MAPK3: variants seen among roughly 807,000 people sequenced by gnomAD.
The protein encoded by MAPK3 is mitogen-activated protein kinase 3, also known as MAPK 1.
In MAPK3, 30 loss-of-function variants were observed where a neutral mutation model predicts 41.8. The observed-to-expected ratio is 0.72, with a 90% CI of 0.54 to 0.97. The LOEUF is 0.97. Among genes scored for constraint, MAPK3 ranks in the 50% least tolerant of loss-of-function variants. The pLI is 0.00. For synonymous variants in MAPK3, 222 were observed against 213.4 expected, an observed-to-expected ratio of 1.04 and a Z score of -0.35; for missense variants, 413 against 509.9, an observed-to-expected ratio of 0.81 and a Z score of 1.83.
chr16:30,118,878 C>T (rs566535549), intron 2 of MAPK3, among the ~76,000 whole-genome samples: 1 of 152,194 alleles, frequency 6.6e-6, no homozygotes, highest in African/African-American at 2.4e-5. Context: ...GTGGCTCACA[C>T]CTGTAATCCC....
At position 30,118,114 on chromosome 16, in the gene MAPK3, G is replaced by A. The variant is rs1159063202; in HGVS notation, c.593C>T (p.Thr198Ile). 6.2e-7 allele frequency: 1 copy of A among 1,614,164 alleles called. No individual in the cohort carries two copies. Among genetic ancestry groups the A allele is most frequent in the Non-Finnish European group, 8.5e-7 (1 of 1,180,024 alleles). The change falls in exon 4 of 9, where the codon ACC (threonine) becomes ATC (isoleucine). Residue 198 changes from threonine (T) to isoleucine (I), a missense_variant. Transcript: ENST00000263025. ...AGCCACATACTCCGTCAGGAAGCCG[G>A]TGTGGTCATGCTCAGGATCGGCAAT... is the stretch of plus-strand genomic sequence containing the variant. ...ARIADPEHDH[T>I]GFLTEYVATR...
Position 30,116,847 on chromosome 16 carries a change from C to T in MAPK3, c.1017+47G>A, listed in dbSNP as rs41292376. On this transcript the variant is annotated intron_variant, in intron 7 of 8. Transcript: ENST00000263025. The stretch of plus-strand genomic sequence containing the variant: ...TGGCATGGGGGATGCCTACGTGCCC[C>T]CCTGCTCCCCTGCCCCCAGCCCCAC... 2.5e-6 allele frequency: 4 copies of T among 1,613,124 alleles called. No homozygotes were observed. In the African/African-American group the frequency reaches 5.3e-5, roughly 22 times the overall value.
chr16:30,118,319 G>A, intron 3 of MAPK3, 30 bp downstream of exon 3: 7 of 1,601,702 alleles, frequency 4.4e-6, no homozygotes, highest in Non-Finnish European at 6.0e-6. Context: ...GACCCTGGGG[G>A]AGGAGGGGAC....
At chr16:30,121,041 T>C (rs555483694) in intron 2 of MAPK3, among the ~76,000 whole-genome samples, 57 of 150,654 alleles carry the variant, frequency 3.8e-4, no homozygotes, top group African/African-American at 1.4e-3. Context: ...GGAGGTGTAA[T>C]AGAAAAAAAA....
intron 1 of MAPK3, 163 bp from the exon 2 acceptor site, chr16:30,122,169 CAG>C: frequency 1.5e-6 from 1 of 683,082 alleles, no homozygotes; most frequent in East Asian, 2.7e-5. Context: ...CTGGGATCTC[CAG>C]AGAGAAAGCT....
In MAPK3 at chr16:30,116,805, A is replaced by G; in HGVS notation, c.1018-15T>C. 6.2e-7 allele frequency: 1 copy of G among 1,613,610 alleles called. No individual in the cohort carries two copies. Among genetic ancestry groups the G allele is most frequent in the Non-Finnish European group, 8.5e-7 (1 of 1,179,898 alleles). On this transcript the variant is annotated splice_polypyrimidine_tract_variant and intron_variant, in intron 7 of 8. Coordinates refer to ENST00000263025, the MANE Select transcript of MAPK3 (RefSeq NM_002746.3). Reference sequence around the variant, plus strand: ...TCGGCCACTGGCTGGGGTGGTAGAGACAGCAAGGCTCAGGCCTGGCATGGG... The same window carrying G: ...TCGGCCACTGGCTGGGGTGGTAGAGGCAGCAAGGCTCAGGCCTGGCATGGG...
rs1296333233 is a variant in MAPK3 at position 30,114,211 on chromosome 16, G to C, written c.*530C>G. 1 of 152,276 alleles carries C rather than the reference G, an allele frequency of 6.6e-6. No individual in the cohort carries two copies. Among genetic ancestry groups the C allele is most frequent in the East Asian group, 1.9e-4 (1 of 5,202 alleles). 9.4% of individuals were successfully genotyped at this position (152,276 alleles called of 1,614,324 possible). A position where few individuals can be genotyped will look rare whatever the true frequency, so the allele number is the denominator to read the frequency against. On this transcript the variant is annotated 3_prime_UTR_variant, in exon 9 of 9. Coordinates refer to ENST00000263025, the MANE Select transcript of MAPK3 (RefSeq NM_002746.3). The stretch of plus-strand genomic sequence containing the variant: ...GCTCCACTTCTGCTCACCACACACA[G>C]AAGCAGCGAGGGCACGCGAAGTGAC...
In MAPK3 at chr16:30,117,304, C is replaced by T. The variant is rs775181155; in HGVS notation, c.776-19G>A. ...AGGATGCCTGTGGATAAGGAGGTGA[C>T]TTGGTAAATGATCACCTCTTTCTTT... On this transcript the variant is annotated intron_variant, in intron 5 of 8. Transcript: ENST00000263025. 6.2e-7 allele frequency: 1 copy of T among 1,612,904 alleles called. No individual in the cohort carries two copies. The highest frequency in any genetic ancestry group is 1.1e-5 in the South Asian group (1 of 90,872).
Position 30,123,151 on chromosome 16 carries a change from A to ACCCCCTCGGTTCTACGGGGCTCCCCGC in MAPK3, c.32_58dup (p.Gly11_Gly19dup). ...CACCTCCCCCGGGACCCCCGGGCCG[A>ACCCCCTCGGTTCTACGGGGCTCCCCGC]CCCCCTCGGTTCTACGGGGCTCCCC... is the stretch of plus-strand genomic sequence containing the variant. On this transcript the variant is annotated inframe_insertion, in exon 1 of 9. Coordinates refer to ENST00000263025, the MANE Select transcript of MAPK3 (RefSeq NM_002746.3). The ACCCCCTCGGTTCTACGGGGCTCCCCGC allele has an allele frequency of 1.3e-6, 2 of 1,490,370 alleles. No individual in the cohort carries two copies. Among genetic ancestry groups the ACCCCCTCGGTTCTACGGGGCTCCCCGC allele is most frequent in the Non-Finnish European group, 1.8e-6 (2 of 1,112,528 alleles). 92.3% of individuals were successfully genotyped at this position (1,490,370 alleles called of 1,614,324 possible). A position where few individuals can be genotyped will look rare whatever the true frequency, so the allele number is the denominator to read the frequency against.
At chr16:30,120,960 A>T (rs965656712) in intron 2 of MAPK3, among the ~76,000 whole-genome samples, 2 of 151,760 alleles carry the variant, frequency 1.3e-5, no homozygotes, top group African/African-American at 4.8e-5. Context: ...TTGGGACTAC[A>T]GATGTGAGCC....
chr16:30,122,149 C>A, intron 1 of MAPK3, 143 bp from the exon 2 acceptor site: 2 of 755,800 alleles, frequency 2.6e-6, no homozygotes, highest in Non-Finnish European at 4.4e-6. Context: ...TTCCTTCCTG[C>A]TGTGGAGGCC....
intron 5 of MAPK3, 125 bp downstream of exon 5, chr16:30,117,545 T>A (rs2072969258): frequency 1.2e-6 from 1 of 804,012 alleles, no homozygotes; most frequent in African/African-American, 1.7e-5. Context: ...TATCTATACC[T>A]CATTGAGATA....
Position 30,123,118 on chromosome 16 carries a change from A to T in MAPK3, c.92T>A (p.Val31Glu). The change falls in exon 1 of 9, where the codon GTG (valine) becomes GAG (glutamate). Residue 31 changes from valine (V) to glutamate (E), a missense_variant. This residue lies in a region of MAPK3 where 145 missense variants were observed against 133.0 expected (regional missense o/e 1.09). Coordinates refer to ENST00000263025, the MANE Select transcript of MAPK3 (RefSeq NM_002746.3). ...GPGVPGEVEM[V>E]KGQPFDVGPR... Reference sequence around the variant, plus strand: ...GCCCACGTCGAACGGCTGCCCCTTCACCATCTCCACCTCCCCCGGGACCCC... The same window carrying T: ...GCCCACGTCGAACGGCTGCCCCTTCTCCATCTCCACCTCCCCCGGGACCCC... 4 of 1,552,808 alleles carry T rather than the reference A, an allele frequency of 2.6e-6. No homozygotes were observed. Among genetic ancestry groups the T allele is most frequent in the Non-Finnish European group, 2.6e-6 (3 of 1,152,502 alleles).
chr16:30,117,194 C>T lies in MAPK3; in HGVS notation c.867G>A (p.Lys289=), dbSNP rs1364153026. 7 of 1,614,030 alleles carry T rather than the reference C, an allele frequency of 4.3e-6. No individual in the cohort carries two copies. In the East Asian group the frequency reaches 1.1e-4, roughly 26 times the overall value. ...NYLQSLPSKT[K]VAWAKLFPKS... is the part of the protein sequence containing the mutation. ...TGGGGAAAAGCTTGGCCCAAGCCAC[C>T]TTGGTCTTGGAGGGCAGAGACTGTA... The change falls in exon 6 of 9, where the codon AAG becomes AAA. Residue 289 remains lysine, a synonymous_variant. Coordinates refer to ENST00000263025, the MANE Select transcript of MAPK3 (RefSeq NM_002746.3).
intron 2 of MAPK3, among the ~76,000 whole-genome samples, 168 bp downstream of exon 2, chr16:30,121,656 A>G (rs910826859): frequency 6.6e-6 from 1 of 152,206 alleles, no homozygotes; most frequent in Non-Finnish European, 1.5e-5. Flanking sequence ...GGTTCATCAG[A>G]GGTCTCCAAG....
intron 4 of MAPK3, 50 bp downstream of exon 4, chr16:30,117,997 G>A (rs1407743452): frequency 6.5e-7 from 1 of 1,528,770 alleles, no homozygotes; most frequent in African/African-American, 1.4e-5. Flanking sequence ...TAGCTCCAGG[G>A]CTTCCTGGGA....
chr16:30,118,569 A>T (rs1341384060), intron 2 of MAPK3, 31 bp from the exon 3 acceptor site: 1 of 1,584,546 alleles, frequency 6.3e-7, no homozygotes. Context: ...CCCCCCAGGC[A>T]GGGGGCAGTG....
Position 30,123,219 on chromosome 16 carries a change from T to A in MAPK3, c.-10A>T. ...CCGCCGCCGCCGCCATCTCCACTCC[T>A]CCCCTCCCACCGCCCTCCTCCCCAC... On this transcript the variant is annotated 5_prime_UTR_variant, in exon 1 of 9. Coordinates refer to ENST00000263025, the MANE Select transcript of MAPK3 (RefSeq NM_002746.3). The A allele has an allele frequency of 2.4e-6, 2 of 850,334 alleles. No homozygotes were observed. Among genetic ancestry groups the A allele is most frequent in the Non-Finnish European group, 1.5e-6 (1 of 652,790 alleles). 52.7% of individuals were successfully genotyped at this position (850,334 alleles called of 1,614,324 possible). A position where few individuals can be genotyped will look rare whatever the true frequency, so the allele number is the denominator to read the frequency against.
Position 30,121,762 on chromosome 16 carries a change from C to G in MAPK3, c.353+62G>C, listed in dbSNP as rs773962596. The G allele has an allele frequency of 1.7e-4, 261 of 1,528,778 alleles. 1 individual carries two copies. The highest frequency in any genetic ancestry group is 4.4e-4 in the Admixed American group (24 of 54,308). The allele number at this position is 1,528,778 out of a possible 1,614,324, so 94.7% of individuals were successfully genotyped here. The stretch of plus-strand genomic sequence containing the variant: ...TAAGATGGAAACAGAAACCAAGCAA[C>G]GGGTCCCCAGCCCAGCTGCGAGGCC... On this transcript the variant is annotated intron_variant, in intron 2 of 8. Transcript: ENST00000263025.
Sources: allele counts gnomAD v4.1 joint callset (sites outside exome capture counted in the v4.1 genomes callset), GRCh38; gene constraint gnomAD v4.1.1; regional missense constraint gnomAD v4.1.1; transcripts MANE v1.5; gene names NCBI Gene and HGNC (gene_info 2026-07-23, HGNC 2026-07-21).